TLK1: variants seen among roughly 807,000 people sequenced by gnomAD.
TLK1 encodes the protein serine/threonine-protein kinase tousled-like 1.
In TLK1, 24 loss-of-function variants were observed where a neutral mutation model predicts 105.3. That is an observed-to-expected ratio of 0.23 (90% CI 0.17 to 0.32). TLK1 has a LOEUF of 0.32. TLK1 is among the 10% of genes least tolerant of loss of function. The pLI is 1.00. For missense variants in TLK1, 558 were observed against 910.5 expected (o/e 0.61, Z 4.98); for synonymous variants, 321 against 310.4 (o/e 1.03, Z -0.36).
At chr2:171,110,648 T>G (rs997676881) in intron 2 of TLK1, among the ~76,000 whole-genome samples, 1 of 152,232 alleles carries the variant, frequency 6.6e-6, no homozygotes, top group Admixed American at 6.5e-5. Context: ...TATCCATTTA[T>G]ATAGCATCTC....
At chr2:171,035,748 G>C (rs900180028) in intron 11 of TLK1, among the ~76,000 whole-genome samples, 1 of 152,192 alleles carries the variant, frequency 6.6e-6, no homozygotes, top group African/African-American at 2.4e-5. Flanking sequence ...AGAGGGAAGG[G>C]GAGGCAGTGT....
intron 2 of TLK1, among the ~76,000 whole-genome samples, chr2:171,112,256 A>G (rs1170940042): frequency 6.6e-6 from 1 of 152,128 alleles, no homozygotes; most frequent in Non-Finnish European, 1.5e-5. Flanking sequence ...GGCCTGATAA[A>G]TGTTTTTTAA....
At chr2:171,228,275 C>T (rs760825898) in intron 1 of TLK1, among the ~76,000 whole-genome samples, 2 of 152,232 alleles carry the variant, frequency 1.3e-5, no homozygotes, top group Non-Finnish European at 2.9e-5. Context: ...ATTTAATATT[C>T]ACAACCTGTT....
At chr2:171,229,335 G>T (rs1174570366) in intron 1 of TLK1, among the ~76,000 whole-genome samples, 2 of 152,118 alleles carry the variant, frequency 1.3e-5, no homozygotes, top group African/African-American at 4.8e-5. Context: ...ATGGATATTT[G>T]CCTGTCTTCC....
intron 18 of TLK1, among the ~76,000 whole-genome samples, chr2:171,003,382 T>A (rs1559335473): frequency 6.6e-6 from 1 of 152,094 alleles, no homozygotes; most frequent in Non-Finnish European, 1.5e-5. Flanking sequence ...ATGATCTTTT[T>A]GTTGAATTCA....
chr2:171,002,399 C>T (rs1198185924), intron 18 of TLK1, among the ~76,000 whole-genome samples: 2 of 151,930 alleles, frequency 1.3e-5, no homozygotes, highest in African/African-American at 4.8e-5. Flanking sequence ...GCTAGGACTA[C>T]GAGCAGCTGG....
chr2:171,216,284 G>C (rs1189830169), intron 1 of TLK1, among the ~76,000 whole-genome samples: 2 of 152,116 alleles, frequency 1.3e-5, no homozygotes, highest in African/African-American at 4.8e-5. Flanking sequence ...AGACCATCCT[G>C]GCTAATACGG....
chr2:171,194,617 A>G (rs953770225), intron 1 of TLK1, among the ~76,000 whole-genome samples: 2 of 152,180 alleles, frequency 1.3e-5, no homozygotes, highest in African/African-American at 2.4e-5. Context: ...GGAGATCGAG[A>G]CCATCCTGGC....
At chr2:170,996,353 G>C (rs1684061930) in intron 20 of TLK1, among the ~76,000 whole-genome samples, 2 of 152,164 alleles carry the variant, frequency 1.3e-5, no homozygotes, top group Admixed American at 6.5e-5. Context: ...ATTAACATAA[G>C]CAGATAAAAT....
intron 1 of TLK1, among the ~76,000 whole-genome samples, chr2:171,156,718 C>G (rs1373063077): frequency 1.3e-5 from 2 of 152,220 alleles, no homozygotes; most frequent in African/African-American, 4.8e-5. Context: ...TCTGGTACAC[C>G]TTCGTTTTTA....
At chr2:171,018,952 AC>A (rs1575519891) in intron 12 of TLK1, among the ~76,000 whole-genome samples, 1 of 152,334 alleles carries the variant, frequency 6.6e-6, no homozygotes, top group Non-Finnish European at 1.5e-5. Context: ...AACAAAAACT[AC>A]AATGGAAAAT....
Position 170,992,793 on chromosome 2 carries a change from TAAAA to T in TLK1, c.*983_*986del, listed in dbSNP as rs570205400. ...CAATTAGAGTGCCTTCAAGAAGACT[TAAAA>T]AAAATACAATATCCAATTAGAAAAG... On this transcript the variant is annotated 3_prime_UTR_variant, in exon 21 of 21. Transcript: ENST00000431350. 6.6e-6 allele frequency: 1 copy of T among 152,272 alleles called. No individual in the cohort carries two copies. The highest frequency in any genetic ancestry group is 1.5e-5 in the Non-Finnish European group (1 of 67,944). The allele number at this position is 152,272 out of a possible 1,614,324, so 9.4% of individuals were successfully genotyped here. A position where few individuals can be genotyped will look rare whatever the true frequency, so the allele number is the denominator to read the frequency against.
At position 170,991,869 on chromosome 2, in the gene TLK1, A is replaced by G. The variant is rs1214394244; in HGVS notation, c.*1911T>C. 1 of 151,136 alleles carries G rather than the reference A, an allele frequency of 6.6e-6. No homozygotes were observed. The highest frequency in any genetic ancestry group is 1.5e-5 in the Non-Finnish European group (1 of 67,680). 9.4% of individuals were successfully genotyped at this position (151,136 alleles called of 1,614,324 possible). A position where few individuals can be genotyped will look rare whatever the true frequency, so the allele number is the denominator to read the frequency against. On this transcript the variant is annotated 3_prime_UTR_variant, in exon 21 of 21. Transcript: ENST00000431350. Reference sequence around the variant, plus strand: ...TTGCAGGCAGCACGTAAAGCACTCAATCAATGCTAAGATTTCATTACCATG... The same window carrying G: ...TTGCAGGCAGCACGTAAAGCACTCAGTCAATGCTAAGATTTCATTACCATG...
chr2:171,225,809 C>G (rs543087229), intron 1 of TLK1, among the ~76,000 whole-genome samples: 3 of 152,274 alleles, frequency 2.0e-5, no homozygotes, highest in East Asian at 3.9e-4. Flanking sequence ...CTGAAACAAT[C>G]TTTCCCTGAC....
chr2:171,121,374 A>G (rs368625994), intron 1 of TLK1, among the ~76,000 whole-genome samples: 1 of 152,172 alleles, frequency 6.6e-6, no homozygotes, highest in Non-Finnish European at 1.5e-5. Flanking sequence ...TCTACAAAAA[A>G]TACAAAAATT....
At chr2:171,078,600 A>G (rs1688616356) in intron 3 of TLK1, among the ~76,000 whole-genome samples, 1 of 152,202 alleles carries the variant, frequency 6.6e-6, no homozygotes, top group Non-Finnish European at 1.5e-5. Flanking sequence ...ATTCTACCCC[A>G]GACCTACCGT....
rs376940006 is a variant in TLK1, at chr2:171,120,392, T to C, written c.140-2535A>G. ...GAATGGAAAAAATATCTGAAAATTATATATCTGATAAAGGATTGATATCCA... is the reference window on the plus strand; with the variant it reads ...GAATGGAAAAAATATCTGAAAATTACATATCTGATAAAGGATTGATATCCA... On this transcript the variant is annotated intron_variant, in intron 1 of 20. Transcript: ENST00000431350. Among the ~76,000 whole-genome samples the C allele has an allele frequency of 2.6e-5, 4 of 151,782 alleles. 1 individual carries two copies. The highest frequency in any genetic ancestry group is 7.2e-5 in the African/African-American group (3 of 41,384).
At chr2:171,015,854 G>A (rs1208878618) in intron 12 of TLK1, among the ~76,000 whole-genome samples, 4 of 151,838 alleles carry the variant, frequency 2.6e-5, no homozygotes, top group East Asian at 1.9e-4. Context: ...TGTGGCGGGC[G>A]GATCACCTGA....
chr2:171,111,098 ATTTG>A (rs1690138812), intron 2 of TLK1, among the ~76,000 whole-genome samples: 3 of 152,224 alleles, frequency 2.0e-5, no homozygotes, highest in African/African-American at 4.8e-5. Flanking sequence ...TAAAACAAAA[ATTTG>A]TTTATTTGAA....
Sources: allele counts gnomAD v4.1 joint callset (sites outside exome capture counted in the v4.1 genomes callset), GRCh38; gene constraint gnomAD v4.1.1; transcripts MANE v1.5; gene names NCBI Gene and HGNC (gene_info 2026-07-23, HGNC 2026-07-21).